FHIT: variants seen among roughly 807,000 people sequenced by gnomAD.
FHIT encodes bis(5'-adenosyl)-triphosphatase.
Under a neutral mutation model 17.9 loss-of-function variants are expected in FHIT, and 19 were observed. The observed-to-expected ratio is 1.06, with a 90% CI of 0.74 to 1.56. The LOEUF is 1.56. FHIT is among the 40% of genes most tolerant of loss of function. The pLI, the probability that FHIT is intolerant of heterozygous loss-of-function variation, is 0.00. For synonymous variants in FHIT, 81 were observed against 69.7 expected, an observed-to-expected ratio of 1.16 and a Z score of -0.81; for missense variants, 248 against 189.2, an observed-to-expected ratio of 1.31 and a Z score of -1.82.
At chr3:59,784,161 C>T (rs1702733042) in intron 8 of FHIT, among the ~76,000 whole-genome samples, 1 of 152,188 alleles carries the variant, frequency 6.6e-6, no homozygotes, top group South Asian at 2.1e-4. Context: ...CATTTTTGAG[C>T]ACCTATGATA....
chr3:60,638,500 T>G (rs2039644884), intron 4 of FHIT, among the ~76,000 whole-genome samples: 1 of 152,198 alleles, frequency 6.6e-6, no homozygotes, highest in Non-Finnish European at 1.5e-5. Context: ...TTGAAGCACA[T>G]TAGAATCACT....
At chr3:60,414,766 G>C (rs1331516141) in intron 5 of FHIT, among the ~76,000 whole-genome samples, 1 of 152,182 alleles carries the variant, frequency 6.6e-6, no homozygotes, top group Non-Finnish European at 1.5e-5. Context: ...AGGCATTTCT[G>C]TTAATAGTAG....
chr3:60,328,205 G>T (rs995026508), intron 5 of FHIT, among the ~76,000 whole-genome samples: 1 of 152,188 alleles, frequency 6.6e-6, no homozygotes, highest in African/African-American at 2.4e-5. Context: ...CACAGAGTAA[G>T]GCAGGAATGA....
intron 5 of FHIT, among the ~76,000 whole-genome samples, chr3:60,227,146 G>A (rs1007951059): frequency 6.6e-6 from 1 of 152,098 alleles, no homozygotes; most frequent in African/African-American, 2.4e-5. Flanking sequence ...AGAAAAATGG[G>A]CTGGGGCAAT....
chr3:59,887,005 A>T (rs1703652444), intron 8 of FHIT, among the ~76,000 whole-genome samples: 1 of 152,166 alleles, frequency 6.6e-6, no homozygotes, highest in South Asian at 2.1e-4. Context: ...CAAAGAAGTG[A>T]GTACCTAAGC....
At chr3:60,676,552 A>G (rs1310862279) in intron 4 of FHIT, among the ~76,000 whole-genome samples, 2 of 152,198 alleles carry the variant, frequency 1.3e-5, no homozygotes, top group Admixed American at 6.5e-5. Flanking sequence ...GTGAGAATGG[A>G]GGACTTAAAG....
At chr3:60,304,549 T>A (rs1178922313) in intron 5 of FHIT, among the ~76,000 whole-genome samples, 2 of 152,142 alleles carry the variant, frequency 1.3e-5, no homozygotes, top group Non-Finnish European at 2.9e-5. Context: ...TGAGTTTACA[T>A]GCTTACAAAA....
intron 4 of FHIT, among the ~76,000 whole-genome samples, chr3:60,741,211 C>T (rs1356881853): frequency 6.6e-6 from 1 of 152,202 alleles, no homozygotes; most frequent in Non-Finnish European, 1.5e-5. Context: ...GATTTCTAGC[C>T]AGCTCCTCAA....
intron 3 of FHIT, among the ~76,000 whole-genome samples, chr3:60,828,546 T>C (rs927544317): frequency 4.6e-5 from 7 of 152,036 alleles, no homozygotes; most frequent in African/African-American, 1.4e-4. Flanking sequence ...AAGGCTCCCA[T>C]AGGAAGTGAA....
At chr3:60,188,032 C>T (rs1419199239) in intron 5 of FHIT, among the ~76,000 whole-genome samples, 2 of 152,022 alleles carry the variant, frequency 1.3e-5, no homozygotes, top group African/African-American at 2.4e-5. Flanking sequence ...CAAAATGATG[C>T]ACCTGTATTA....
intron 5 of FHIT, among the ~76,000 whole-genome samples, chr3:60,508,102 T>C (rs969360548): frequency 6.6e-6 from 1 of 152,172 alleles, no homozygotes; most frequent in African/African-American, 2.4e-5. Flanking sequence ...GGAGAATGTA[T>C]TGCAGGGAAT....
chr3:61,144,293 G>C (rs2037167635), intron 2 of FHIT, among the ~76,000 whole-genome samples: 1 of 152,186 alleles, frequency 6.6e-6, no homozygotes, highest in Non-Finnish European at 1.5e-5. Context: ...GAATCATACA[G>C]TATGTGTCCT....
At chr3:60,261,597 T>C (rs551280513) in intron 5 of FHIT, among the ~76,000 whole-genome samples, 4 of 151,992 alleles carry the variant, frequency 2.6e-5, no homozygotes, top group East Asian at 1.9e-4. Flanking sequence ...CTCTTCAACA[T>C]AGAAACTATC....
At chr3:61,248,850 T>C (rs1213968923) in intron 1 of FHIT, among the ~76,000 whole-genome samples, 1 of 152,202 alleles carries the variant, frequency 6.6e-6, no homozygotes, top group African/African-American at 2.4e-5. Context: ...ACGGGATACT[T>C]TTGACATGAG....
chr3:60,045,460 T>A (rs1295594995), intron 5 of FHIT, among the ~76,000 whole-genome samples: 1 of 152,092 alleles, frequency 6.6e-6, no homozygotes, highest in Non-Finnish European at 1.5e-5. Context: ...TCACCCACCA[T>A]CATGAGAACA....
At chr3:59,813,996 T>TA (rs1310174219) in intron 8 of FHIT, among the ~76,000 whole-genome samples, 1 of 151,722 alleles carries the variant, frequency 6.6e-6, no homozygotes, top group Non-Finnish European at 1.5e-5. Flanking sequence ...CTGACAATTC[T>TA]AAAAGGACGG....
At chr3:59,815,223 C>T (rs769978236) in intron 8 of FHIT, among the ~76,000 whole-genome samples, 7 of 151,960 alleles carry the variant, frequency 4.6e-5, no homozygotes, top group Non-Finnish European at 7.4e-5. Flanking sequence ...AGCTGCAGCC[C>T]AGGCCACTAT....
chr3:59,956,889 T>C (rs1209342725), intron 7 of FHIT, among the ~76,000 whole-genome samples: 1 of 152,212 alleles, frequency 6.6e-6, no homozygotes. Flanking sequence ...TGTTTCTGCT[T>C]AAAGCACTCT....
chr3:61,065,548 T>C (rs1284356868), intron 2 of FHIT, among the ~76,000 whole-genome samples: 1 of 152,180 alleles, frequency 6.6e-6, no homozygotes, highest in East Asian at 1.9e-4. Flanking sequence ...TCCAAGTTGC[T>C]GGACTCTCAG....
Sources: allele counts gnomAD v4.1 joint callset (sites outside exome capture counted in the v4.1 genomes callset), GRCh38; gene constraint gnomAD v4.1.1; transcripts MANE v1.5; gene names NCBI Gene and HGNC (gene_info 2026-07-23, HGNC 2026-07-21).